Variants in SLC39A10 observed in about 807,000 individuals in gnomAD.
SLC39A10 encodes zinc transporter ZIP10.
In SLC39A10, 13 loss-of-function variants were observed where a neutral mutation model predicts 65.1. That is an observed-to-expected ratio of 0.20 (90% CI 0.13 to 0.32). SLC39A10 has a LOEUF of 0.32. Ranked by LOEUF, SLC39A10 falls within the 10% of genes least tolerant of loss-of-function variation. The pLI, the probability that SLC39A10 is intolerant of heterozygous loss-of-function variation, is 1.00. For missense variants in SLC39A10, 831 were observed against 1,018.4 expected, an observed-to-expected ratio of 0.82 and a Z score of 2.50; for synonymous variants, 321 against 342.2, an observed-to-expected ratio of 0.94 and a Z score of 0.68.
intron 9 of SLC39A10, among the ~76,000 whole-genome samples, chr2:195,731,266 T>A (rs1364980216): frequency 6.6e-6 from 1 of 152,198 alleles, no homozygotes; most frequent in Middle Eastern, 3.2e-3. Flanking sequence ...ACATTCTGCG[T>A]CAGGGCTGTG....
At chr2:195,665,018 G>T (rs900299839) in intron 1 of SLC39A10, among the ~76,000 whole-genome samples, 1 of 151,910 alleles carries the variant, frequency 6.6e-6, no homozygotes, top group Non-Finnish European at 1.5e-5. Flanking sequence ...CCACCATCTC[G>T]ACAAAAAATT....
chr2:195,729,007 C>G (rs1271347951), intron 9 of SLC39A10, among the ~76,000 whole-genome samples: 1 of 146,630 alleles, frequency 6.8e-6, no homozygotes, highest in Non-Finnish European at 1.5e-5. Context: ...GGGTCTTGCT[C>G]TGTTGCCTAG....
At chr2:195,672,586 G>T (rs1689910620) in intron 1 of SLC39A10, among the ~76,000 whole-genome samples, 1 of 152,178 alleles carries the variant, frequency 6.6e-6, no homozygotes, top group South Asian at 2.1e-4. Context: ...TCTCTTAAAT[G>T]TAAGTGATTA....
intron 1 of SLC39A10, among the ~76,000 whole-genome samples, chr2:195,663,716 T>C (rs772138240): frequency 2.7e-5 from 1 of 36,674 alleles, no homozygotes. Flanking sequence ...AAAAAAGAAA[T>C]AAGAGAAAAG....
rs779784174 is a variant in SLC39A10 at position 195,718,243 on chromosome 2, C to G, written c.2066-9C>G. Reference sequence around the variant, plus strand: ...AAACCTCACTTGTTTTTTTTCTTATCTTCCTCAGGTGCAGCTTTCAGTGCT... The same window carrying G: ...AAACCTCACTTGTTTTTTTTCTTATGTTCCTCAGGTGCAGCTTTCAGTGCT... On this transcript the variant is annotated splice_polypyrimidine_tract_variant and intron_variant, in intron 7 of 9. Transcript: ENST00000359634. 1 of 1,599,716 alleles carries G rather than the reference C, an allele frequency of 6.3e-7. No individual in the cohort carries two copies. Among genetic ancestry groups the G allele is most frequent in the Non-Finnish European group, 8.5e-7 (1 of 1,170,856 alleles).
rs139952644 is a variant in SLC39A10 at position 195,706,617 on chromosome 2, C to T, written c.1218C>T (p.Ala406=). 9.1e-5 allele frequency: 147 copies of T among 1,609,630 alleles called. No homozygotes were observed. The African/African-American group carries it at 1.6e-3, about 18-fold the overall frequency. ...PEDEANIGAS[A]WICGIISITV... The stretch of plus-strand genomic sequence containing the variant: ...TGACTCTTAATTTCTTTTCTACAGC[C>T]TGGATTTGTGGTATCATTTCTATCA... The change falls in exon 4 of 10, where the codon GCC becomes GCT. Residue 406 remains alanine (A), a splice_region_variant and synonymous_variant. Coordinates refer to ENST00000359634, the MANE Select transcript of SLC39A10 (RefSeq NM_020342.3).
At chr2:195,691,231 A>G (rs892998733) in intron 3 of SLC39A10, among the ~76,000 whole-genome samples, 1 of 152,018 alleles carries the variant, frequency 6.6e-6, no homozygotes, top group Non-Finnish European at 1.5e-5. Flanking sequence ...ATGTGTATCT[A>G]TATATATACC....
chr2:195,708,527 A>C, intron 4 of SLC39A10, 129 bp from the exon 5 acceptor site: 1 of 659,558 alleles, frequency 1.5e-6, no homozygotes, highest in Non-Finnish European at 2.4e-6. Flanking sequence ...GATAATATCT[A>C]GGGGAGCACT....
At chr2:195,720,501 T>G (rs948834369) in intron 8 of SLC39A10, among the ~76,000 whole-genome samples, 12 of 152,236 alleles carry the variant, frequency 7.9e-5, no homozygotes, top group African/African-American at 2.9e-4. Flanking sequence ...CTAATTTAAT[T>G]TTTCTGAAAA....
chr2:195,657,597 C>T (rs1689202921), intron 1 of SLC39A10: 7 of 982,314 alleles, frequency 7.1e-6, no homozygotes, highest in Non-Finnish European at 8.5e-6. Context: ...GCCCCCCTCA[C>T]CTTCCTGTGG....
chr2:195,658,595 G>GA (rs1304792994), intron 1 of SLC39A10: 1 of 152,200 alleles, frequency 6.6e-6, no homozygotes, highest in Non-Finnish European at 1.5e-5. Context: ...GCAAGTAATG[G>GA]AAAAGCTGGA....
At chr2:195,711,700 G>A (rs996398430) in intron 5 of SLC39A10, among the ~76,000 whole-genome samples, 3 of 152,210 alleles carry the variant, frequency 2.0e-5, no homozygotes, top group Non-Finnish European at 4.4e-5. Context: ...ACTAGATGTT[G>A]ACTTGTTTCA....
At chr2:195,624,259 C>A (rs1056147222) in intron 2 of SLC39A10, among the ~76,000 whole-genome samples, 5 of 151,326 alleles carry the variant, frequency 3.3e-5, no homozygotes, top group African/African-American at 1.2e-4. Context: ...TGCTGGCGGG[C>A]GCCTGTAATC....
intron 3 of SLC39A10, among the ~76,000 whole-genome samples, chr2:195,701,849 T>A (rs568484323): frequency 2.1e-3 from 323 of 151,782 alleles, no homozygotes; most frequent in African/African-American, 7.2e-3. Flanking sequence ...GCCCAGCTAG[T>A]TTTTGTATTT....
intron 9 of SLC39A10, among the ~76,000 whole-genome samples, chr2:195,732,140 G>A (rs534828517): frequency 6.6e-6 from 1 of 152,224 alleles, no homozygotes; most frequent in South Asian, 2.1e-4. Flanking sequence ...CCTGACAGTC[G>A]CACAACATGC....
At chr2:195,691,528 T>G (rs1690739097) in intron 3 of SLC39A10, among the ~76,000 whole-genome samples, 1 of 152,178 alleles carries the variant, frequency 6.6e-6, no homozygotes, top group Admixed American at 6.5e-5. Context: ...CCAACATCTA[T>G]TATTTTTTGG....
At chr2:195,694,456 T>C (rs1052670731) in intron 3 of SLC39A10, among the ~76,000 whole-genome samples, 35 of 152,176 alleles carry the variant, frequency 2.3e-4, no homozygotes, top group Non-Finnish European at 4.4e-4. Context: ...GGGTGCTCCC[T>C]TGATATGGTG....
At chr2:195,636,787 G>T (rs1006103054) in intron 2 of SLC39A10, among the ~76,000 whole-genome samples, 2 of 151,888 alleles carry the variant, frequency 1.3e-5, no homozygotes, top group Admixed American at 6.6e-5. Context: ...AATAATCCCA[G>T]CACTTTGGGA....
rs762551357 is a variant in SLC39A10, at chr2:195,734,897, G to A, written c.2352G>A (p.Leu784=). The change falls in exon 10 of 10, where the codon TTG becomes TTA. Residue 784 remains leucine (L), a synonymous_variant. Coordinates refer to ENST00000359634, the MANE Select transcript of SLC39A10 (RefSeq NM_020342.3). The part of the protein sequence containing the change: ...VALVDMLPEM[L]HGDGDNEEHG... The stretch of plus-strand genomic sequence containing the variant: ...TATTTTTCTAGCTTCCAGAAATGTT[G>A]CATGGTGATGGTGACAATGAAGAAC... The A allele has an allele frequency of 6.2e-7, 1 of 1,602,224 alleles. No homozygotes were observed. The highest frequency in any genetic ancestry group is 8.5e-7 in the Non-Finnish European group (1 of 1,175,870).
Sources: gnomAD v4.1 joint callset for allele counts (sites outside exome capture counted in the v4.1 genomes callset) on GRCh38, gnomAD v4.1.1 for gene constraint, MANE v1.5 for transcripts, NCBI Gene and HGNC (gene_info 2026-07-23, HGNC 2026-07-21) for gene names.